DZIP1L: variants seen among roughly 807,000 people sequenced by gnomAD.
DZIP1L encodes cilium assembly protein DZIP1L.
Under a neutral mutation model 88.7 loss-of-function variants are expected in DZIP1L, and 90 were observed. The ratio of observed to expected loss-of-function variants is 1.02; its 90% confidence interval spans 0.86 to 1.21. The LOEUF (loss-of-function observed/expected upper bound fraction) is 1.21, where lower values mean the gene tolerates loss of function less well. Among genes scored for constraint, DZIP1L ranks in the 50% most tolerant of loss-of-function variants. The pLI is 0.00. For synonymous variants in DZIP1L, 363 were observed against 372.1 expected (o/e 0.98, Z 0.28); for missense variants, 932 against 955.8 (o/e 0.98, Z 0.33).
chr3:138,086,873 A>G, intron 7 of DZIP1L, 88 bp downstream of exon 7: 1 of 1,356,446 alleles, frequency 7.4e-7, no homozygotes, highest in Non-Finnish European at 1.0e-6. Context: ...GATAGGGGAG[A>G]TGGTGGGTGA....
Position 138,064,621 on chromosome 3 carries a change from A to G in DZIP1L, c.2142+7T>C, listed in dbSNP as rs1373162322. Reference sequence around the variant, plus strand: ...CCAGAGTAAACTCTAAGCATCCTACATCCTACCTGAGGCTTCCTTCCTGGT... The same window carrying G: ...CCAGAGTAAACTCTAAGCATCCTACGTCCTACCTGAGGCTTCCTTCCTGGT... On this transcript the variant is annotated splice_region_variant and intron_variant, in intron 15 of 15. Coordinates refer to ENST00000327532, the MANE Select transcript of DZIP1L (RefSeq NM_173543.3). 6.2e-7 allele frequency: 1 copy of G among 1,614,100 alleles called. No homozygotes were observed.
rs113234498 is a variant in DZIP1L, at chr3:138,114,152, G to A, written c.-82+1176C>T. ...ACTAGAGCTGCCAGGCCTAGGGACA[G>A]GAGACATTGCCAGTGCTTAGCCAGG... On this transcript the variant is annotated intron_variant, in intron 1 of 15. Transcript: ENST00000327532. Among the ~76,000 whole-genome samples, 958 of 152,348 alleles carry A rather than the reference G, an allele frequency of 6.3e-3. 15 individuals carry two copies. The highest frequency in any genetic ancestry group is 0.021 in the African/African-American group (886 of 41,578).
chr3:138,088,338 T>C (rs1944041269), intron 6 of DZIP1L, 41 bp downstream of exon 6: 1 of 1,569,668 alleles, frequency 6.4e-7, no homozygotes, highest in African/African-American at 1.4e-5. Flanking sequence ...AAGATGGCTC[T>C]TGGCTTCCTC....
At chr3:138,064,536 G>A in intron 15 of DZIP1L, 92 bp downstream of exon 15, 1 of 1,613,202 alleles carries the variant, frequency 6.2e-7, no homozygotes, top group South Asian at 1.1e-5. Context: ...GACACTTGCT[G>A]GGCCCTCCCC....
At chr3:138,114,342 A>T (rs374600737) in intron 1 of DZIP1L, among the ~76,000 whole-genome samples, 7 of 152,294 alleles carry the variant, frequency 4.6e-5, no homozygotes, top group African/African-American at 1.7e-4. Flanking sequence ...TCTGTTCCCA[A>T]CCTGAAGCAT....
Position 138,099,064 on chromosome 3 carries a change from G to A in DZIP1L, c.502-1217C>T, listed in dbSNP as rs113360193. On this transcript the variant is annotated intron_variant, in intron 2 of 15. Transcript: ENST00000327532. ...AGGTGGGAGGATCACCTGAGCCTGG[G>A]AGGTTAAGGCTGTGGTGAGCCATGA... Among the ~76,000 whole-genome samples, 6 of 152,322 alleles carry A rather than the reference G, an allele frequency of 3.9e-5. No homozygotes were observed. The South Asian group carries it at 1.0e-3, about 26-fold the overall frequency.
intron 2 of DZIP1L, chr3:138,101,933 C>T: frequency 4.0e-6 from 6 of 1,490,120 alleles, no homozygotes; most frequent in Non-Finnish European, 5.6e-6. Context: ...TCTGCGATGC[C>T]CTCTGGCCTT....
chr3:138,111,856 A>C (rs1005677428), intron 1 of DZIP1L, among the ~76,000 whole-genome samples: 2 of 152,050 alleles, frequency 1.3e-5, no homozygotes, highest in African/African-American at 4.8e-5. Context: ...TTAGCTGGGC[A>C]TGGTGGTGGG....
chr3:138,063,436 G>A lies in DZIP1L; in HGVS notation c.2143-459C>T, dbSNP rs1361583465. Among the ~76,000 whole-genome samples the A allele has an allele frequency of 6.6e-6, 1 of 152,230 alleles. No homozygotes were observed. Among genetic ancestry groups the A allele is most frequent in the Non-Finnish European group, 1.5e-5 (1 of 68,038 alleles). The stretch of plus-strand genomic sequence containing the variant: ...ACATCCTGACTGAAGGAGCATGAGA[G>A]GAGCTTGGGAGCAACAGGAGTCCTT... On this transcript the variant is annotated intron_variant, in intron 15 of 15. Coordinates refer to ENST00000327532, the MANE Select transcript of DZIP1L (RefSeq NM_173543.3). This position sits in a 1 kb window ranked among gnomAD's most constrained non-coding sequence, Gnocchi z 4.1.
At chr3:138,081,014 A>G (rs1358069507) in intron 9 of DZIP1L, among the ~76,000 whole-genome samples, 3 of 152,178 alleles carry the variant, frequency 2.0e-5, no homozygotes, top group African/African-American at 7.2e-5. Flanking sequence ...TCCCTCAAGA[A>G]GTTCAGGGCC....
intron 1 of DZIP1L, among the ~76,000 whole-genome samples, chr3:138,110,848 G>C (rs1342683958): frequency 6.6e-6 from 1 of 152,236 alleles, no homozygotes; most frequent in African/African-American, 2.4e-5. Flanking sequence ...ATCAAAGAGA[G>C]GAAACAGAGA....
chr3:138,091,521 G>A (rs1489843741), intron 5 of DZIP1L, among the ~76,000 whole-genome samples: 1 of 151,412 alleles, frequency 6.6e-6, no homozygotes, highest in African/African-American at 2.4e-5. Flanking sequence ...CGGAGGCTGA[G>A]GCACGAGAAT....
chr3:138,080,327 G>A (rs1246524744), intron 10 of DZIP1L: 1 of 395,070 alleles, frequency 2.5e-6, no homozygotes, highest in Non-Finnish European at 4.7e-6. Context: ...CTCTGGACAA[G>A]CTAATGACCC....
At position 138,084,199 on chromosome 3, in the gene DZIP1L, CCTT is replaced by C; in HGVS notation, c.1114_1116del (p.Lys372del). ...ATCTGGCACTGGGACTGGGCAGCTG[CCTT>C]CTTCTGATCCTGAGACAGGGAGGCC... On this transcript the variant is annotated inframe_deletion, in exon 8 of 16. Transcript: ENST00000327532. The C allele has an allele frequency of 3.7e-6, 6 of 1,614,202 alleles. No homozygotes were observed. Among genetic ancestry groups the C allele is most frequent in the Non-Finnish European group, 5.1e-6 (6 of 1,180,018 alleles).
At chr3:138,064,179 A>C (rs1942791296) in intron 15 of DZIP1L, among the ~76,000 whole-genome samples, 1 of 151,836 alleles carries the variant, frequency 6.6e-6, no homozygotes, top group Non-Finnish European at 1.5e-5. Context: ...GCTGTTACCT[A>C]CTCTGATGTG....
intron 12 of DZIP1L, among the ~76,000 whole-genome samples, chr3:138,070,830 G>C (rs1943145427): frequency 6.6e-6 from 1 of 152,160 alleles, no homozygotes; most frequent in African/African-American, 2.4e-5. Flanking sequence ...GCACCTGCAT[G>C]AGCAGACCAG....
chr3:138,104,439 G>C (rs1008900760), intron 1 of DZIP1L, among the ~76,000 whole-genome samples: 1 of 152,236 alleles, frequency 6.6e-6, no homozygotes, highest in Admixed American at 6.5e-5. Flanking sequence ...CCTGGCAAAG[G>C]CCTTTGTCAG....
chr3:138,090,010 G>C (rs1944129627), intron 5 of DZIP1L, among the ~76,000 whole-genome samples: 3 of 151,956 alleles, frequency 2.0e-5, no homozygotes, highest in Admixed American at 2.0e-4. Flanking sequence ...GGGTGTGGTG[G>C]CACATGCCTA....
At chr3:138,087,642 T>C (rs1166183044) in intron 6 of DZIP1L, among the ~76,000 whole-genome samples, 1 of 152,260 alleles carries the variant, frequency 6.6e-6, no homozygotes, top group Admixed American at 6.5e-5. Flanking sequence ...GGCCTCTTTA[T>C]AATGTGAAAC....
Sources: allele counts gnomAD v4.1 joint callset (sites outside exome capture counted in the v4.1 genomes callset), GRCh38; gene constraint gnomAD v4.1.1; non-coding constraint Gnocchi (gnomAD v3.1); transcripts MANE v1.5; gene names NCBI Gene and HGNC (gene_info 2026-07-23, HGNC 2026-07-21).